Variants in BMAL1 observed in about 807,000 individuals in gnomAD.
The protein encoded by BMAL1 is basic helix-loop-helix ARNT-like protein 1.
chr11:13,326,611 T>C, the BMAL1 span: 2 of 152,204 alleles, frequency 1.3e-5, no homozygotes, highest in South Asian at 2.1e-4. Flanking sequence ...AGACCCTGGA[T>C]TGATTCTCAA....
the BMAL1 span, among the ~76,000 whole-genome samples, chr11:13,382,832 C>T: frequency 6.6e-6 from 1 of 152,182 alleles, no homozygotes. Flanking sequence ...AGTATGGCCC[C>T]CAGGCTACAA....
chr11:13,318,382 A>G, the BMAL1 span, among the ~76,000 whole-genome samples: 2 of 152,270 alleles, frequency 1.3e-5, no homozygotes, highest in South Asian at 2.1e-4. Context: ...CTCATTAACA[A>G]TTTTTAAAAA....
chr11:13,362,672 C>T, the BMAL1 span, among the ~76,000 whole-genome samples: 1 of 152,254 alleles, frequency 6.6e-6, no homozygotes, highest in South Asian at 2.1e-4. Context: ...ACTTTGCCCA[C>T]CTCTCCATCC....
the BMAL1 span, among the ~76,000 whole-genome samples, chr11:13,334,142 C>T: frequency 5.3e-5 from 8 of 152,126 alleles, no homozygotes; most frequent in East Asian, 1.9e-4. Flanking sequence ...AACTAAGGAA[C>T]GAGGGCTCAC....
At chr11:13,310,680 CTT>C in the BMAL1 span, among the ~76,000 whole-genome samples, 1 of 152,202 alleles carries the variant, frequency 6.6e-6, no homozygotes, top group African/African-American at 2.4e-5. Context: ...TCCAGTAAAA[CTT>C]TATTTACAGA....
At chr11:13,386,371 T>G in the BMAL1 span, among the ~76,000 whole-genome samples, 4 of 152,218 alleles carry the variant, frequency 2.6e-5, no homozygotes, top group African/African-American at 9.6e-5. Flanking sequence ...TAGAGCTGTC[T>G]CTTCACAACG....
the BMAL1 span, among the ~76,000 whole-genome samples, chr11:13,284,142 A>G: frequency 0.25 from 8,097 of 32,604 alleles, 1,012 homozygotes; most frequent in African/African-American, 0.32. Context: ...ATATATATAT[A>G]TGTGTATATA....
the BMAL1 span, among the ~76,000 whole-genome samples, chr11:13,363,491 G>T: frequency 6.6e-6 from 1 of 151,968 alleles, no homozygotes; most frequent in Non-Finnish European, 1.5e-5. Flanking sequence ...TCACTTCCAG[G>T]GTCCCAGTTC....
chr11:13,278,451 C>T, the BMAL1 span, among the ~76,000 whole-genome samples: 1 of 152,214 alleles, frequency 6.6e-6, no homozygotes, highest in Non-Finnish European at 1.5e-5. Context: ...CGCGTCTGCC[C>T]TTCCTCCCCG....
chr11:13,364,901 AT>A, the BMAL1 span, among the ~76,000 whole-genome samples: 3 of 152,216 alleles, frequency 2.0e-5, no homozygotes, highest in Non-Finnish European at 2.9e-5. Context: ...CCCTATGTAC[AT>A]TAGAATCACA....
chr11:13,328,259 G>A, the BMAL1 span, among the ~76,000 whole-genome samples: 1 of 151,898 alleles, frequency 6.6e-6, no homozygotes, highest in African/African-American at 2.4e-5. Context: ...GCTTCAGCAG[G>A]GTTTAATATT....
At chr11:13,323,435 C>A in the BMAL1 span, among the ~76,000 whole-genome samples, 3 of 152,162 alleles carry the variant, frequency 2.0e-5, no homozygotes, top group Non-Finnish European at 4.4e-5. Context: ...TTGATTTGTT[C>A]CTTCAAAAAC....
At chr11:13,351,232 A>G in the BMAL1 span, among the ~76,000 whole-genome samples, 1 of 152,356 alleles carries the variant, frequency 6.6e-6, no homozygotes, top group Non-Finnish European at 1.5e-5. Flanking sequence ...TCGAGCTGAT[A>G]GCACATTTGC....
chr11:13,325,752 C>G, the BMAL1 span, among the ~76,000 whole-genome samples: 2 of 150,924 alleles, frequency 1.3e-5, no homozygotes, highest in Non-Finnish European at 2.9e-5. Flanking sequence ...TGATGAAAAC[C>G]TTTTCATCTC....
At chr11:13,356,091 G>A in the BMAL1 span, among the ~76,000 whole-genome samples, 99 of 152,270 alleles carry the variant, frequency 6.5e-4, 2 homozygotes, top group South Asian at 0.02. Context: ...CTGTGAAAGG[G>A]AGGGAGATCC....
chr11:13,372,418 C>A, the BMAL1 span: 1 of 1,613,614 alleles, frequency 6.2e-7, no homozygotes, highest in Non-Finnish European at 8.5e-7. Flanking sequence ...AGGTAAGAGT[C>A]TACATACTAC....
the BMAL1 span, among the ~76,000 whole-genome samples, chr11:13,337,331 C>T: frequency 1.3e-5 from 2 of 151,876 alleles, no homozygotes; most frequent in South Asian, 2.1e-4. Flanking sequence ...TGTGTATATA[C>T]GTTTGTACCC....
At chr11:13,282,013 C>T in the BMAL1 span, among the ~76,000 whole-genome samples, 565 of 152,294 alleles carry the variant, frequency 3.7e-3, 3 homozygotes, top group African/African-American at 0.012. Flanking sequence ...CTAGCAGGTC[C>T]GTTGTGGACA....
At chr11:13,318,629 G>A in the BMAL1 span, among the ~76,000 whole-genome samples, 1 of 135,038 alleles carries the variant, frequency 7.4e-6, no homozygotes, top group Non-Finnish European at 1.5e-5. Context: ...ATAGGCAAGG[G>A]TTTTGAGCTT....
Sources: allele counts gnomAD v4.1 joint callset (sites outside exome capture counted in the v4.1 genomes callset), GRCh38; gene constraint gnomAD v4.1.1; transcripts MANE v1.5; gene names NCBI Gene and HGNC (gene_info 2026-07-23, HGNC 2026-07-21).